The following NOL10 variants were observed in gnomAD, a reference collection of about 807,000 sequenced individuals.
NOL10 encodes nucleolar protein 10.
Under a neutral mutation model 103.5 loss-of-function variants are expected in NOL10, and 58 were observed. The ratio of observed to expected loss-of-function variants is 0.56; its 90% CI spans 0.45 to 0.70. The LOEUF (loss-of-function observed/expected upper bound fraction) is 0.70. Ranked by LOEUF, NOL10 falls within the 30% of genes least tolerant of loss-of-function variation. NOL10 has a pLI of 0.00. For missense variants in NOL10, 763 were observed against 807.3 expected, an observed-to-expected ratio of 0.95 and a Z score of 0.67; for synonymous variants, 287 against 282.5, an observed-to-expected ratio of 1.02 and a Z score of -0.16.
chr2:10,649,311 A>ATTTTTTTTTTTTT lies in NOL10; in HGVS notation c.974-4952_974-4940dup, dbSNP rs56031158. On this transcript the variant is annotated intron_variant, in intron 12 of 20. Transcript: ENST00000381685. ...TTTTTCAACTTTTCTGTATGTTTGA[A>ATTTTTTTTTTTTT]TTTTTTTTTTTTTTTTTTTTTTTTT... Among the ~76,000 whole-genome samples the ATTTTTTTTTTTTT allele has an allele frequency of 1.6e-4, 16 of 99,060 alleles. 1 individual carries two copies. Among genetic ancestry groups the ATTTTTTTTTTTTT allele is most frequent in the African/African-American group, 3.3e-4 (8 of 24,142 alleles). The allele number at this position is 99,060 out of a possible 152,430, so 65.0% of individuals were successfully genotyped here. A position where few individuals can be genotyped will look rare whatever the true frequency, so the allele number is the denominator to read the frequency against.
intron 13 of NOL10, among the ~76,000 whole-genome samples, chr2:10,617,441 G>C (rs1296108121): frequency 6.6e-6 from 1 of 152,206 alleles, no homozygotes; most frequent in Non-Finnish European, 1.5e-5. Flanking sequence ...TCACACGTTA[G>C]AAAGAAATCA....
intron 6 of NOL10, among the ~76,000 whole-genome samples, chr2:10,670,024 G>A (rs1043907671): frequency 6.6e-5 from 10 of 151,888 alleles, no homozygotes; most frequent in African/African-American, 1.9e-4. Flanking sequence ...ACCAGCCTGG[G>A]AAACATAGTG....
At chr2:10,621,439 C>A (rs116972343) in intron 13 of NOL10, among the ~76,000 whole-genome samples, 1 of 151,956 alleles carries the variant, frequency 6.6e-6, no homozygotes. Flanking sequence ...ATAAAACATA[C>A]GAAAATTATC....
intron 3 of NOL10, among the ~76,000 whole-genome samples, chr2:10,677,674 C>T (rs1007034741): frequency 1.3e-5 from 2 of 151,366 alleles, no homozygotes; most frequent in African/African-American, 4.9e-5. Context: ...GGTTTCACCA[C>T]GTTGCCCAGG....
chr2:10,683,014 A>T (rs1175795886), intron 2 of NOL10, among the ~76,000 whole-genome samples: 1 of 152,152 alleles, frequency 6.6e-6, no homozygotes, highest in East Asian at 1.9e-4. Flanking sequence ...TGAACTCCTG[A>T]CCTCATGATC....
chr2:10,677,934 C>CATATATAT (rs1417106250), intron 3 of NOL10, among the ~76,000 whole-genome samples: 1 of 143,236 alleles, frequency 7.0e-6, no homozygotes, highest in Non-Finnish European at 1.5e-5. Flanking sequence ...TAGACAGATA[C>CATATATAT]ATATATATAC....
intron 12 of NOL10, among the ~76,000 whole-genome samples, chr2:10,647,522 T>C (rs1404607583): frequency 6.6e-6 from 1 of 152,080 alleles, no homozygotes; most frequent in African/African-American, 2.4e-5. Flanking sequence ...GATTAGAAAA[T>C]TCGAAACAAA....
chr2:10,631,855 C>T (rs965807033), intron 13 of NOL10, among the ~76,000 whole-genome samples: 1 of 152,122 alleles, frequency 6.6e-6, no homozygotes, highest in Non-Finnish European at 1.5e-5. Flanking sequence ...GCTGGGATTA[C>T]AGGCATGTGC....
Position 10,663,015 on chromosome 2 carries a change from A to G in NOL10, c.621T>C (p.Thr207=). Residue 207 remains threonine (T), a synonymous_variant, in exon 9 of 21, where the codon ACT becomes ACC. Transcript: ENST00000381685. ...AGTCTAACAGGCCAACTCTGTTTCG[A>G]GTTCTTGGGTCCCAGCACTCCACTC... The part of the protein sequence containing the change: ...EGRVECWDPR[T]RNRVGLLDCA... 1 of 1,613,962 alleles carries G rather than the reference A, an allele frequency of 6.2e-7. No individual in the cohort carries two copies. Among genetic ancestry groups the G allele is most frequent in the Non-Finnish European group, 8.5e-7 (1 of 1,179,846 alleles).
chr2:10,668,199 A>G (rs1356586469), intron 7 of NOL10, among the ~76,000 whole-genome samples: 2 of 152,220 alleles, frequency 1.3e-5, no homozygotes, highest in African/African-American at 2.4e-5. Context: ...GATGATGATG[A>G]TGGATTCATT....
At chr2:10,634,981 GC>G (rs1290728231) in intron 13 of NOL10, among the ~76,000 whole-genome samples, 2 of 152,144 alleles carry the variant, frequency 1.3e-5, no homozygotes, top group African/African-American at 4.8e-5. Context: ...AGGCTGAGTA[GC>G]CTGTTTCTAA....
At chr2:10,655,400 C>G (rs1478430488) in intron 11 of NOL10, among the ~76,000 whole-genome samples, 1 of 152,034 alleles carries the variant, frequency 6.6e-6, no homozygotes, top group Non-Finnish European at 1.5e-5. Flanking sequence ...CGCAAGGTTT[C>G]GAGGAGGATC....
chr2:10,672,222 G>A (rs1680997510), intron 5 of NOL10, among the ~76,000 whole-genome samples: 1 of 152,132 alleles, frequency 6.6e-6, no homozygotes, highest in Non-Finnish European at 1.5e-5. Flanking sequence ...AGCTACTCAG[G>A]AGGCTGAGGC....
chr2:10,663,156 C>A, intron 8 of NOL10, 112 bp from the exon 9 acceptor site: 1 of 752,924 alleles, frequency 1.3e-6, no homozygotes, highest in Non-Finnish European at 2.2e-6. Flanking sequence ...CACCTGAAGC[C>A]AGGAGTTTGA....
At chr2:10,637,385 C>T (rs1678334054) in intron 13 of NOL10, among the ~76,000 whole-genome samples, 1 of 152,100 alleles carries the variant, frequency 6.6e-6, no homozygotes, top group Non-Finnish European at 1.5e-5. Context: ...CTTCCCAAAG[C>T]TATAATGATT....
chr2:10,616,477 C>G (rs1312036873), intron 13 of NOL10, among the ~76,000 whole-genome samples: 1 of 151,992 alleles, frequency 6.6e-6, no homozygotes, highest in East Asian at 1.9e-4. Context: ...GCCTTGGCCT[C>G]CCAAAGTGCT....
chr2:10,675,670 T>C (rs1009900845), intron 4 of NOL10, 124 bp downstream of exon 4: 3 of 587,274 alleles, frequency 5.1e-6, no homozygotes, highest in Non-Finnish European at 9.2e-6. Context: ...CCATCGGGAT[T>C]GTAGTACAGT....
At position 10,659,555 on chromosome 2, in the gene NOL10, A is replaced by G. The variant is rs550373641; in HGVS notation, c.678-305T>C. On this transcript the variant is annotated intron_variant, in intron 9 of 20. Transcript: ENST00000381685. ...AAAAAATAGCCAGTTGTGGTGGCAC[A>G]CACCTGTTGTCCCAGCTACTTGGGT... Among the ~76,000 whole-genome samples the G allele has an allele frequency of 2.2e-3, 339 of 151,996 alleles. 1 individual carries two copies. The highest frequency in any genetic ancestry group is 7.8e-3 in the African/African-American group (323 of 41,472).
In NOL10 at chr2:10,602,865, T is replaced by C. The variant is rs1464329966; in HGVS notation, c.1243A>G (p.Met415Val). The C allele has an allele frequency of 4.4e-6, 7 of 1,598,762 alleles. No individual in the cohort carries two copies. The highest frequency in any genetic ancestry group is 2.2e-5 in the East Asian group (1 of 44,794). ...TCTTCATAAGCAAATGGATTTACCA[T>C]CAGTTTCACCTTTTCAAAATGAAAA... Reference protein sequence around the residue: ...DIRLYHKVKLMVNPFAYEEYR... With the variant: ...DIRLYHKVKLVVNPFAYEEYR... The change falls in exon 16 of 21, where the codon ATG becomes GTG. Residue 415 changes from methionine (M) to valine (V), a missense_variant. Coordinates refer to ENST00000381685, the MANE Select transcript of NOL10 (RefSeq NM_024894.4).
Sources: gnomAD v4.1 joint callset for allele counts (sites outside exome capture counted in the v4.1 genomes callset) on GRCh38, gnomAD v4.1.1 for gene constraint, MANE v1.5 for transcripts, NCBI Gene and HGNC (gene_info 2026-07-23, HGNC 2026-07-21) for gene names.